Variants in ZNF614 observed in about 807,000 individuals in gnomAD.
The protein encoded by ZNF614 is zinc finger protein 614.
ZNF614 carries 11 observed loss-of-function variants against 12.8 expected under a neutral mutation model. That is an observed-to-expected ratio of 0.86 (90% CI 0.54 to 1.43). The LOEUF (loss-of-function observed/expected upper bound fraction) is 1.43, where lower values mean the gene tolerates loss of function less well. ZNF614 is among the 40% of genes most tolerant of loss of function. ZNF614 has a pLI of 0.00. For missense variants in ZNF614, 664 were observed against 708.8 expected, an observed-to-expected ratio of 0.94 and a Z score of 0.72; for synonymous variants, 237 against 237.5, an observed-to-expected ratio of 1.00 and a Z score of 0.02.
At position 52,015,747 on chromosome 19, in the gene ZNF614, G is replaced by A. The variant is rs2086891796; in HGVS notation, c.*93C>T. 1.6e-5 allele frequency: 19 copies of A among 1,190,622 alleles called. No homozygotes were observed. In the South Asian group the frequency reaches 2.5e-4, roughly 16 times the overall value. The allele number at this position is 1,190,622 out of a possible 1,614,324, so 73.8% of individuals were successfully genotyped here. On this transcript the variant is annotated 3_prime_UTR_variant, in exon 5 of 5. Transcript: ENST00000270649. The stretch of plus-strand genomic sequence containing the variant: ...GCAGCACCATGTTTATGTTCCAATT[G>A]GCTAGAAACACACTGATGTTTAATG...
Position 52,014,625 on chromosome 19 carries a change from G to A in ZNF614, c.*1215C>T, listed in dbSNP as rs2086885639. On this transcript the variant is annotated 3_prime_UTR_variant, in exon 5 of 5. Transcript: ENST00000270649. ...CTAAAAAGGGTTCTCCTAATCTCAGGAGCCTCTACCCCTATGAAGTTGGGG... is the reference window on the plus strand; with the variant it reads ...CTAAAAAGGGTTCTCCTAATCTCAGAAGCCTCTACCCCTATGAAGTTGGGG... The A allele has an allele frequency of 6.6e-6, 1 of 152,140 alleles. No individual in the cohort carries two copies. Among genetic ancestry groups the A allele is most frequent in the Non-Finnish European group, 1.5e-5 (1 of 68,034 alleles). The allele number at this position is 152,140 out of a possible 1,614,324, so 9.4% of individuals were successfully genotyped here. A position where few individuals can be genotyped will look rare whatever the true frequency, so the allele number is the denominator to read the frequency against.
rs771272193 is a variant in ZNF614, at chr19:52,015,984, C to T, written c.1614G>A (p.Pro538=). ...CTTTCTCACAATCACTGCATCCATA[C>T]GGCCTCTCTCCTGTATGCGTTCTTT... ...VHQRTHTGER[P]YGCSDCEKAF... The change falls in exon 5 of 5, where the codon CCG becomes CCA. Residue 538 remains proline (P), a synonymous_variant. Coordinates refer to ENST00000270649, the MANE Select transcript of ZNF614 (RefSeq NM_025040.4). 28 of 1,614,196 alleles carry T rather than the reference C, an allele frequency of 1.7e-5. No individual in the cohort carries two copies. Among genetic ancestry groups the T allele is most frequent in the South Asian group, 1.1e-4 (10 of 91,084 alleles).
chr19:52,018,126 A>C (rs1328114532), intron 3 of ZNF614, 23 bp from the exon 4 acceptor site: 2 of 1,596,640 alleles, frequency 1.3e-6, no homozygotes, highest in Non-Finnish European at 1.7e-6. Context: ...AAAGACAAAC[A>C]CAAACATCCT....
At chr19:52,027,902 A>T (rs989566564) in intron 1 of ZNF614, among the ~76,000 whole-genome samples, 1 of 152,258 alleles carries the variant, frequency 6.6e-6, no homozygotes, top group African/African-American at 2.4e-5. Context: ...TGCACTCAAC[A>T]GCAGTAAAAT....
intron 2 of ZNF614, among the ~76,000 whole-genome samples, chr19:52,024,274 A>G (rs890725364): frequency 1.3e-5 from 2 of 152,138 alleles, no homozygotes; most frequent in Non-Finnish European, 2.9e-5. Flanking sequence ...GGGACATCCA[A>G]TTGGTAGCCA....
At chr19:52,024,198 A>C (rs547173814) in intron 2 of ZNF614, among the ~76,000 whole-genome samples, 1 of 152,234 alleles carries the variant, frequency 6.6e-6, no homozygotes, top group East Asian at 1.9e-4. Flanking sequence ...TAATCTAGTA[A>C]GTAAACTGTC....
chr19:52,023,128 G>A (rs1437650853), intron 2 of ZNF614, among the ~76,000 whole-genome samples: 7 of 148,470 alleles, frequency 4.7e-5, no homozygotes, highest in African/African-American at 7.4e-5. Context: ...CAGCCTGGGC[G>A]ACAGAGCGAG....
In ZNF614 at chr19:52,016,117, T is replaced by C. The variant is rs927021321; in HGVS notation, c.1481A>G (p.His494Arg). The change falls in exon 5 of 5, where the codon CAC becomes CGC. Residue 494 changes from histidine to arginine, a missense_variant. By Grantham distance (29) the His-to-Arg change is conservative. Coordinates refer to ENST00000270649, the MANE Select transcript of ZNF614 (RefSeq NM_025040.4). ...VCTECGKSYS[H>R]KYGLITHQRI... Reference sequence around the variant, plus strand: ...CTGATGGGTAATGAGGCCATATTTGTGTGAATAGGATTTTCCGCACTCGGT... The same window carrying C: ...CTGATGGGTAATGAGGCCATATTTGCGTGAATAGGATTTTCCGCACTCGGT... 6.2e-7 allele frequency: 1 copy of C among 1,613,940 alleles called. No individual in the cohort carries two copies. Among genetic ancestry groups the C allele is most frequent in the Non-Finnish European group, 8.5e-7 (1 of 1,180,014 alleles).
At chr19:52,022,196 G>T (rs2086936539) in intron 2 of ZNF614, among the ~76,000 whole-genome samples, 1 of 152,226 alleles carries the variant, frequency 6.6e-6, no homozygotes, top group South Asian at 2.1e-4. Flanking sequence ...TAAACTAGAT[G>T]TCCAACAATT....
chr19:52,026,175 G>A (rs1447176904), intron 1 of ZNF614, among the ~76,000 whole-genome samples: 1 of 152,240 alleles, frequency 6.6e-6, no homozygotes, highest in Non-Finnish European at 1.5e-5. Context: ...TGGGAAAGCA[G>A]AACCAGCACA....
In ZNF614 at chr19:52,016,436, CAAT is replaced by C. The variant is rs1204357937; in HGVS notation, c.1159_1161del (p.Ile387del). The C allele has an allele frequency of 3.1e-6, 5 of 1,613,884 alleles. No individual in the cohort carries two copies. Among genetic ancestry groups the C allele is most frequent in the East Asian group, 2.2e-5 (1 of 44,874 alleles). ...TCTCCTGTGTGGGAGCGCTGATGTA[CAAT>C]GAGATTGCTCTTCACGGTAAAGCCT... On this transcript the variant is annotated inframe_deletion, in exon 5 of 5. Coordinates refer to ENST00000270649, the MANE Select transcript of ZNF614 (RefSeq NM_025040.4).
At position 52,015,721 on chromosome 19, in the gene ZNF614, G is replaced by C. The variant is rs1332995440; in HGVS notation, c.*119C>G. The stretch of plus-strand genomic sequence containing the variant: ...GAGGACAGACACACATCTGTCAACA[G>C]GCAGCACCATGTTTATGTTCCAATT... On this transcript the variant is annotated 3_prime_UTR_variant, in exon 5 of 5. Coordinates refer to ENST00000270649, the MANE Select transcript of ZNF614 (RefSeq NM_025040.4). 1.0e-6 allele frequency: 1 copy of C among 958,316 alleles called. No homozygotes were observed. The highest frequency in any genetic ancestry group is 1.6e-6 in the Non-Finnish European group (1 of 636,928). 59.4% of individuals were successfully genotyped at this position (958,316 alleles called of 1,614,324 possible). A position where few individuals can be genotyped will look rare whatever the true frequency, so the allele number is the denominator to read the frequency against.
At position 52,015,658 on chromosome 19, in the gene ZNF614, C is replaced by G; in HGVS notation, c.*182G>C. On this transcript the variant is annotated 3_prime_UTR_variant, in exon 5 of 5. Coordinates refer to ENST00000270649, the MANE Select transcript of ZNF614 (RefSeq NM_025040.4). Reference sequence around the variant, plus strand: ...AAGGCACTACCTTATTTACTGTATTCATCAAATTGATCTCTAGGGCAAATT... The same window carrying G: ...AAGGCACTACCTTATTTACTGTATTGATCAAATTGATCTCTAGGGCAAATT... 1.7e-6 allele frequency: 1 copy of G among 584,526 alleles called. No individual in the cohort carries two copies. The highest frequency in any genetic ancestry group is 2.8e-5 in the East Asian group (1 of 35,410). The allele number at this position is 584,526 out of a possible 1,614,324, so 36.2% of individuals were successfully genotyped here.
chr19:52,020,836 TTG>T (rs1161418335), intron 2 of ZNF614, among the ~76,000 whole-genome samples: 2 of 152,300 alleles, frequency 1.3e-5, no homozygotes, highest in East Asian at 3.9e-4. Context: ...CACTCATAAC[TTG>T]GGTAATTACA....
intron 2 of ZNF614, among the ~76,000 whole-genome samples, chr19:52,023,044 C>T (rs1386644111): frequency 6.8e-6 from 1 of 146,736 alleles, no homozygotes; most frequent in East Asian, 2.0e-4. Flanking sequence ...ATGCCAGTGC[C>T]CGCCAGCCTG....
At chr19:52,024,994 A>C (rs1447204662) in intron 2 of ZNF614, among the ~76,000 whole-genome samples, 1 of 152,222 alleles carries the variant, frequency 6.6e-6, no homozygotes, top group African/African-American at 2.4e-5. Flanking sequence ...GTCTCCTGCC[A>C]ACTACTTGGG....
At chr19:52,023,609 C>T (rs1600038998) in intron 2 of ZNF614, among the ~76,000 whole-genome samples, 5 of 152,146 alleles carry the variant, frequency 3.3e-5, no homozygotes, top group Admixed American at 3.3e-4. Flanking sequence ...CACAGGGTTT[C>T]CTTATGAATA....
chr19:52,023,439 C>T (rs1337349749), intron 2 of ZNF614, among the ~76,000 whole-genome samples: 1 of 152,094 alleles, frequency 6.6e-6, no homozygotes, highest in Non-Finnish European at 1.5e-5. Context: ...AGCCCCCATG[C>T]CCAGCCTGTT....
rs1172838651 is a variant in ZNF614 at position 52,014,480 on chromosome 19, C to T, written c.*1360G>A. The stretch of plus-strand genomic sequence containing the variant: ...TGATAAATTCCGAGTTCCCACTGCC[C>T]TACTCAGGTTTGATAATTTGCTACA... On this transcript the variant is annotated 3_prime_UTR_variant, in exon 5 of 5. Coordinates refer to ENST00000270649, the MANE Select transcript of ZNF614 (RefSeq NM_025040.4). 1 of 152,154 alleles carries T rather than the reference C, an allele frequency of 6.6e-6. No homozygotes were observed. The highest frequency in any genetic ancestry group is 1.5e-5 in the Non-Finnish European group (1 of 68,044). 9.4% of individuals were successfully genotyped at this position (152,154 alleles called of 1,614,324 possible).
Sources: gnomAD v4.1 joint callset for allele counts (sites outside exome capture counted in the v4.1 genomes callset) on GRCh38, gnomAD v4.1.1 for gene constraint, MANE v1.5 for transcripts, NCBI Gene and HGNC (gene_info 2026-07-23, HGNC 2026-07-21) for gene names.